DERL1: variants seen among roughly 807,000 people sequenced by gnomAD.
The protein encoded by DERL1 is derlin 1.
A neutral mutation model predicts 41.6 loss-of-function variants in DERL1; 24 were observed. The observed-to-expected ratio is 0.58, with a 90% CI of 0.42 to 0.81. The LOEUF (loss-of-function observed/expected upper bound fraction) is 0.81, where lower values mean the gene tolerates loss of function less well. Among genes scored for constraint, DERL1 ranks in the 30% least tolerant of loss-of-function variants. DERL1 has a pLI of 0.00. For missense variants in DERL1, 260 were observed against 314.3 expected, an observed-to-expected ratio of 0.83 and a Z score of 1.31; for synonymous variants, 124 against 112.5, an observed-to-expected ratio of 1.10 and a Z score of -0.65.
chr8:123,015,724 ATTTAAC>A (rs1471681109), intron 7 of DERL1, 139 bp from the exon 8 acceptor site: 10 of 1,131,598 alleles, frequency 8.8e-6, no homozygotes, highest in South Asian at 7.9e-5. Context: ...GGGACGTCTT[ATTTAAC>A]TTTGTCTTTT....
At position 123,018,978 on chromosome 8, in the gene DERL1, G is replaced by A. The variant is rs949075239; in HGVS notation, c.617+217C>T. Reference sequence around the variant, plus strand: ...CTGTAATGTTGGAATCTAGTTGTCAGTGGTCCCTGGCTAAAAGAGTAACAG... The same window carrying A: ...CTGTAATGTTGGAATCTAGTTGTCAATGGTCCCTGGCTAAAAGAGTAACAG... On this transcript the variant is annotated intron_variant, in intron 7 of 7. Transcript: ENST00000259512. The A allele has an allele frequency of 7.9e-5, 44 of 553,560 alleles. 2 individuals are homozygous for A. Among genetic ancestry groups the A allele is most frequent in the East Asian group, 3.2e-4 (10 of 31,128 alleles). 34.3% of individuals were successfully genotyped at this position (553,560 alleles called of 1,614,324 possible). A position where few individuals can be genotyped will look rare whatever the true frequency, so the allele number is the denominator to read the frequency against.
At chr8:123,023,767 A>G in intron 3 of DERL1, 28 bp from the exon 4 acceptor site, 1 of 1,609,634 alleles carries the variant, frequency 6.2e-7, no homozygotes, top group Non-Finnish European at 8.5e-7. Flanking sequence ...AAGATCAGAC[A>G]TAAAAAAGCA....
intron 1 of DERL1, among the ~76,000 whole-genome samples, chr8:123,037,118 A>G (rs1047484951): frequency 6.6e-6 from 1 of 152,200 alleles, no homozygotes; most frequent in Non-Finnish European, 1.5e-5. Context: ...TAAGGCATAA[A>G]GTATTGGCTG....
chr8:123,026,286 G>A (rs1026747887), intron 2 of DERL1, among the ~76,000 whole-genome samples: 6 of 152,150 alleles, frequency 3.9e-5, no homozygotes, highest in Non-Finnish European at 7.3e-5. Flanking sequence ...ACAATTTCCC[G>A]ATTTTAATAA....
chr8:123,035,682 T>C (rs1022117645), intron 1 of DERL1, among the ~76,000 whole-genome samples: 2 of 152,190 alleles, frequency 1.3e-5, no homozygotes, highest in African/African-American at 4.8e-5. Flanking sequence ...AGTTCCTCAC[T>C]TAACAAGGAC....
intron 1 of DERL1, among the ~76,000 whole-genome samples, chr8:123,041,648 C>A (rs1315288190): frequency 6.6e-6 from 1 of 152,222 alleles, no homozygotes; most frequent in Non-Finnish European, 1.5e-5. Context: ...GACCTAATCG[C>A]CAGCGTCCAA....
chr8:123,022,577 T>C (rs1397806803), intron 5 of DERL1, 107 bp downstream of exon 5: 1 of 1,038,780 alleles, frequency 9.6e-7, no homozygotes, highest in Non-Finnish European at 1.5e-6. Context: ...TATGGTACAC[T>C]GCTCTGCAGT....
At chr8:123,026,587 T>C (rs1812693665) in intron 2 of DERL1, among the ~76,000 whole-genome samples, 1 of 152,208 alleles carries the variant, frequency 6.6e-6, no homozygotes, top group Non-Finnish European at 1.5e-5. Flanking sequence ...GACAGAAAAC[T>C]GGGGATCAGT....
In DERL1 at chr8:123,016,725, T is replaced by C. The variant is rs548421040; in HGVS notation, c.618-1140A>G. 3 of 152,378 alleles carry C rather than the reference T, an allele frequency of 2.0e-5. No individual in the cohort carries two copies. The South Asian group carries it at 6.2e-4, about 32-fold the overall frequency. The allele number at this position is 152,378 out of a possible 1,614,324, so 9.4% of individuals were successfully genotyped here. A position where few individuals can be genotyped will look rare whatever the true frequency, so the allele number is the denominator to read the frequency against. On this transcript the variant is annotated intron_variant, in intron 7 of 7. Coordinates refer to ENST00000259512, the MANE Select transcript of DERL1 (RefSeq NM_024295.6). ...TCCAGAGCCTGCGCCCTGCACTACT[T>C]GTTATACTACATGCATCCTGCCTGG...
intron 2 of DERL1, among the ~76,000 whole-genome samples, chr8:123,030,003 T>C (rs1812787594): frequency 6.6e-6 from 1 of 151,992 alleles, no homozygotes; most frequent in Non-Finnish European, 1.5e-5. Context: ...GAGGCTACAG[T>C]GAACTGAGAT....
chr8:123,036,926 A>G (rs1812941409), intron 1 of DERL1, among the ~76,000 whole-genome samples: 1 of 152,230 alleles, frequency 6.6e-6, no homozygotes, highest in African/African-American at 2.4e-5. Context: ...AGGCTGAGTC[A>G]CAGAATTGGT....
At chr8:123,021,540 C>G (rs1341102256) in intron 5 of DERL1, 41 bp from the exon 6 acceptor site, 1 of 1,560,694 alleles carries the variant, frequency 6.4e-7, no homozygotes, top group East Asian at 2.2e-5. Flanking sequence ...GTAGCCACAC[C>G]TGACGAGGAC....
chr8:123,027,724 G>A (rs551488503), intron 2 of DERL1, among the ~76,000 whole-genome samples: 1 of 152,242 alleles, frequency 6.6e-6, no homozygotes, highest in African/African-American at 2.4e-5. Flanking sequence ...CAGGTAATAG[G>A]GTTGGGTAAA....
rs894103549 is a variant in DERL1, at chr8:123,019,224, T to C, written c.588A>G (p.Gly196=). 6.2e-7 allele frequency: 1 copy of C among 1,613,590 alleles called. No individual in the cohort carries two copies. Among genetic ancestry groups the C allele is most frequent in the Non-Finnish European group, 8.5e-7 (1 of 1,179,742 alleles). ...LMFRYPMDLG[G]RNFLSTPQFL... ...ACTGAGGTGTGGATAGAAAATTTCT[T>C]CCTCCCAAGTCCATTGGGTATCTGA... The change falls in exon 7 of 8, where the codon GGA becomes GGG. Residue 196 remains glycine, a synonymous_variant. Coordinates refer to ENST00000259512, the MANE Select transcript of DERL1 (RefSeq NM_024295.6).
intron 2 of DERL1, 75 bp from the exon 3 acceptor site, chr8:123,025,125 C>A: frequency 6.8e-7 from 1 of 1,463,404 alleles, no homozygotes; most frequent in South Asian, 1.3e-5. Flanking sequence ...AGAAACACTT[C>A]AAAAAGTTAC....
chr8:123,025,281 G>T (rs1720065626), intron 2 of DERL1, among the ~76,000 whole-genome samples: 1 of 152,178 alleles, frequency 6.6e-6, no homozygotes, highest in Non-Finnish European at 1.5e-5. Context: ...CTGAATTCCA[G>T]TAAGTGACAT....
In DERL1 at chr8:123,015,436, A is replaced by C; in HGVS notation, c.*11T>G. The C allele has an allele frequency of 6.2e-7, 1 of 1,610,782 alleles. No homozygotes were observed. Among genetic ancestry groups the C allele is most frequent in the Non-Finnish European group, 8.5e-7 (1 of 1,178,554 alleles). On this transcript the variant is annotated 3_prime_UTR_variant, in exon 8 of 8. Coordinates refer to ENST00000259512, the MANE Select transcript of DERL1 (RefSeq NM_024295.6). ...GTGGCTTGAGAGGAGCGGCTGCCCG[A>C]GGCCGCCCCTTCACTGGTCTCCAAG...
chr8:123,038,127 A>C (rs527628071), intron 1 of DERL1, among the ~76,000 whole-genome samples: 1 of 152,314 alleles, frequency 6.6e-6, no homozygotes, highest in South Asian at 2.1e-4. Flanking sequence ...AACAAGCTAC[A>C]CACAAGAATC....
At chr8:123,023,420 TG>T (rs1812610623) in intron 4 of DERL1, among the ~76,000 whole-genome samples, 1 of 152,024 alleles carries the variant, frequency 6.6e-6, no homozygotes, top group Non-Finnish European at 1.5e-5. Flanking sequence ...CCGGGTGTGG[TG>T]GCGTGCATCT....
Sources: allele counts gnomAD v4.1 joint callset (sites outside exome capture counted in the v4.1 genomes callset), GRCh38; gene constraint gnomAD v4.1.1; transcripts MANE v1.5; gene names NCBI Gene and HGNC (gene_info 2026-07-23, HGNC 2026-07-21).